Variants in AFG2A observed in about 807,000 individuals in gnomAD.
The protein encoded by AFG2A is ATPase family gene 2 protein homolog A.
chr4:123,096,252 A>T, the AFG2A span, among the ~76,000 whole-genome samples: 1 of 152,088 alleles, frequency 6.6e-6, no homozygotes, highest in South Asian at 2.1e-4. Flanking sequence ...TAAGAGTGAT[A>T]GGATGCGGTA....
the AFG2A span, among the ~76,000 whole-genome samples, chr4:122,948,391 C>CACACAT: frequency 1.6e-5 from 2 of 121,644 alleles, no homozygotes; most frequent in African/African-American, 3.6e-5. Context: ...AGAGTATACA[C>CACACAT]ACACACACAC....
chr4:123,038,357 C>A, the AFG2A span, among the ~76,000 whole-genome samples: 1 of 152,018 alleles, frequency 6.6e-6, no homozygotes. Flanking sequence ...CTGCTCTCTT[C>A]CATTTTTAAG....
the AFG2A span, among the ~76,000 whole-genome samples, chr4:122,924,804 A>G: frequency 3.3e-5 from 5 of 152,140 alleles, no homozygotes; most frequent in Non-Finnish European, 5.9e-5. Flanking sequence ...AAAATTTATA[A>G]TAGGTCACAG....
the AFG2A span, among the ~76,000 whole-genome samples, chr4:123,276,863 G>A: frequency 2.2e-4 from 33 of 152,044 alleles, no homozygotes; most frequent in East Asian, 7.7e-4. Flanking sequence ...TACCAGTATC[G>A]TGTTGTTTTG....
At chr4:123,256,310 G>C in the AFG2A span, 1 of 1,005,150 alleles carries the variant, frequency 9.9e-7, no homozygotes, top group Non-Finnish European at 1.4e-6. Context: ...AGGAAGTGCA[G>C]TACATGACAT....
chr4:123,160,748 G>A, the AFG2A span, among the ~76,000 whole-genome samples: 1 of 151,888 alleles, frequency 6.6e-6, no homozygotes, highest in Non-Finnish European at 1.5e-5. Context: ...CCCCTTATCT[G>A]CAGCGGATAC....
chr4:122,924,027 A>C, the AFG2A span, among the ~76,000 whole-genome samples: 1 of 152,236 alleles, frequency 6.6e-6, no homozygotes, highest in Non-Finnish European at 1.5e-5. Context: ...GAAAATTTAT[A>C]TTTGATGTGT....
the AFG2A span, among the ~76,000 whole-genome samples, chr4:123,261,216 C>T: frequency 6.6e-6 from 1 of 152,118 alleles, no homozygotes; most frequent in Non-Finnish European, 1.5e-5. Context: ...CCTATGAAAA[C>T]ATGCTGCTAT....
the AFG2A span, among the ~76,000 whole-genome samples, chr4:122,947,726 A>T: frequency 2.6e-5 from 4 of 152,320 alleles, no homozygotes; most frequent in Admixed American, 2.6e-4. Context: ...ATTATAGTGT[A>T]TACAGTCAGC....
At chr4:122,934,281 G>T in the AFG2A span, 2 of 1,614,074 alleles carry the variant, frequency 1.2e-6, no homozygotes, top group Non-Finnish European at 8.5e-7. Flanking sequence ...GTAGCCTGGA[G>T]TTATCCTTAC....
chr4:123,089,983 G>T, the AFG2A span, among the ~76,000 whole-genome samples: 1 of 152,034 alleles, frequency 6.6e-6, no homozygotes, highest in Admixed American at 6.6e-5. Flanking sequence ...TAATGGACTT[G>T]GTACGTAAAC....
At chr4:122,952,115 GTCCTC>G in the AFG2A span, among the ~76,000 whole-genome samples, 1 of 152,170 alleles carries the variant, frequency 6.6e-6, no homozygotes, top group Non-Finnish European at 1.5e-5. Flanking sequence ...CTTTTGTAAT[GTCCTC>G]TACTTGTTGT....
chr4:123,002,964 T>C, the AFG2A span, among the ~76,000 whole-genome samples: 7 of 152,306 alleles, frequency 4.6e-5, no homozygotes, highest in African/African-American at 1.7e-4. Context: ...GATTTGGTCT[T>C]TTCACATAGT....
chr4:123,160,848 A>G, the AFG2A span, among the ~76,000 whole-genome samples: 64 of 152,210 alleles, frequency 4.2e-4, 1 homozygote, highest in East Asian at 9.1e-3. Flanking sequence ...ACCTATGATG[A>G]CATTTAATTT....
chr4:122,972,735 A>AT, the AFG2A span, among the ~76,000 whole-genome samples: 1 of 151,694 alleles, frequency 6.6e-6, no homozygotes, highest in African/African-American at 2.4e-5. Context: ...ATTTCTTAGC[A>AT]TTTTTTTGTT....
the AFG2A span, chr4:122,936,261 T>C: frequency 3.1e-6 from 2 of 642,156 alleles, no homozygotes; most frequent in Non-Finnish European, 4.9e-6. Context: ...ACAAAAATTA[T>C]AGTGATAGTG....
At chr4:123,243,896 C>G in the AFG2A span, among the ~76,000 whole-genome samples, 1 of 152,002 alleles carries the variant, frequency 6.6e-6, no homozygotes, top group Middle Eastern at 3.4e-3. Context: ...GTAGCACACA[C>G]CTGTGGTCCC....
chr4:123,285,108 A>C, the AFG2A span, among the ~76,000 whole-genome samples: 110,667 of 151,898 alleles, frequency 0.73, 41,392 homozygotes, highest in Non-Finnish European at 0.81. Context: ...CCCTGGCAGT[A>C]TGGGCTTTCC....
the AFG2A span, among the ~76,000 whole-genome samples, chr4:123,224,120 T>G: frequency 1.3e-5 from 2 of 152,198 alleles, no homozygotes; most frequent in Non-Finnish European, 2.9e-5. Context: ...GGGTCCAATT[T>G]CATTGTTTTG....
Sources: gnomAD v4.1 joint callset for allele counts (sites outside exome capture counted in the v4.1 genomes callset) on GRCh38, gnomAD v4.1.1 for gene constraint, MANE v1.5 for transcripts, NCBI Gene and HGNC (gene_info 2026-07-23, HGNC 2026-07-21) for gene names.